FRYL: variants seen among roughly 807,000 people sequenced by gnomAD.
FRYL encodes protein furry homolog-like.
A neutral mutation model predicts 351.2 loss-of-function variants in FRYL; 150 were observed. That is an observed-to-expected ratio of 0.43 (90% CI 0.37 to 0.49). FRYL has a LOEUF of 0.49. FRYL is among the 20% of genes least tolerant of loss of function. The probability of loss-of-function intolerance (pLI) is 0.00; values close to 1 mark genes in which losing one functional copy is unlikely to be tolerated. For synonymous variants in FRYL, 1,153 were observed against 1,257.1 expected, an observed-to-expected ratio of 0.92 and a Z score of 1.75; for missense variants, 3,036 against 3,619.3, an observed-to-expected ratio of 0.84 and a Z score of 4.13.
chr4:48,752,329 C>A (rs1359000305), intron 1 of FRYL, among the ~76,000 whole-genome samples: 1 of 152,100 alleles, frequency 6.6e-6, no homozygotes, highest in African/African-American at 2.4e-5. Flanking sequence ...CCAATTTCTG[C>A]CCAATGAGAA....
At chr4:48,626,226 T>G (rs1751774096) in intron 4 of FRYL, among the ~76,000 whole-genome samples, 1 of 152,060 alleles carries the variant, frequency 6.6e-6, no homozygotes, top group South Asian at 2.1e-4. Flanking sequence ...TCAAATCTGT[T>G]TGTCAATAAA....
intron 1 of FRYL, among the ~76,000 whole-genome samples, chr4:48,741,298 C>T (rs919506187): frequency 3.9e-5 from 6 of 152,230 alleles, no homozygotes; most frequent in African/African-American, 1.4e-4. Context: ...AATCTCACCA[C>T]TTTGGGAGGC....
At position 48,645,628 on chromosome 4, in the gene FRYL, T is replaced by G. The variant is rs114242387; in HGVS notation, c.-80-11138A>C. ...TCTCTGGCCATACCTTAAGTCAGAA[T>G]CAAAATCTTTGGAATGGGGCCCAGG... On this transcript the variant is annotated intron_variant, in intron 3 of 63. Coordinates refer to ENST00000358350, the MANE Select transcript of FRYL (RefSeq NM_015030.2). Among the ~76,000 whole-genome samples, 240 of 152,322 alleles carry G rather than the reference T, an allele frequency of 1.6e-3. 1 individual carries two copies. The highest frequency in any genetic ancestry group is 5.6e-3 in the African/African-American group (232 of 41,578).
At chr4:48,741,132 G>A (rs752748009) in intron 1 of FRYL, among the ~76,000 whole-genome samples, 7 of 152,194 alleles carry the variant, frequency 4.6e-5, no homozygotes, top group Non-Finnish European at 1.0e-4. Flanking sequence ...TGGAGGCCGG[G>A]TGTGGTGGCT....
At position 48,531,264 on chromosome 4, in the gene FRYL, G is replaced by A; in HGVS notation, c.6795C>T (p.Thr2265=). The A allele has an allele frequency of 6.2e-7, 1 of 1,612,640 alleles. No homozygotes were observed. Among genetic ancestry groups the A allele is most frequent in the Non-Finnish European group, 8.5e-7 (1 of 1,178,774 alleles). The change falls in exon 50 of 64, where the codon ACC becomes ACT. Residue 2265 remains threonine (T), a synonymous_variant. Coordinates refer to ENST00000358350, the MANE Select transcript of FRYL (RefSeq NM_015030.2). Reference sequence around the variant, plus strand: ...CAGGAGAACCTGTATCTCCTCCATAGGTCTTGGGGATATCACTGGGTACGA... The same window carrying A: ...CAGGAGAACCTGTATCTCCTCCATAAGTCTTGGGGATATCACTGGGTACGA... ...SLVVPSDIPK[T]YGGDTGSPEI...
At chr4:48,608,178 T>C (rs1747273059) in intron 9 of FRYL, among the ~76,000 whole-genome samples, 1 of 152,174 alleles carries the variant, frequency 6.6e-6, no homozygotes, top group Non-Finnish European at 1.5e-5. Flanking sequence ...GGGTTCCTAG[T>C]ATATTAAAAA....
intron 1 of FRYL, among the ~76,000 whole-genome samples, chr4:48,779,491 C>T (rs1029798979): frequency 5.3e-5 from 8 of 152,116 alleles, no homozygotes; most frequent in African/African-American, 1.9e-4. Context: ...GCGGACAATG[C>T]CCGGCTGGGC....
intron 23 of FRYL, among the ~76,000 whole-genome samples, chr4:48,578,596 A>G (rs1335350348): frequency 1.3e-5 from 2 of 152,214 alleles, no homozygotes; most frequent in African/African-American, 2.4e-5. Flanking sequence ...CGGGAAAAGT[A>G]AGGCCACTGA....
chr4:48,723,489 C>T (rs1769718676), intron 1 of FRYL, among the ~76,000 whole-genome samples: 1 of 152,140 alleles, frequency 6.6e-6, no homozygotes, highest in South Asian at 2.1e-4. Flanking sequence ...AGTCTTGCTC[C>T]TTACTAAACT....
chr4:48,756,665 T>C (rs977440554), intron 1 of FRYL, among the ~76,000 whole-genome samples: 13 of 152,156 alleles, frequency 8.5e-5, no homozygotes, highest in East Asian at 3.8e-4. Flanking sequence ...AGAATTAAAA[T>C]TGACAGGAGA....
At chr4:48,620,842 C>T in intron 5 of FRYL, 64 bp from the exon 6 acceptor site, 3 of 1,361,962 alleles carry the variant, frequency 2.2e-6, no homozygotes, top group African/African-American at 2.9e-5. Flanking sequence ...CTCTTAAGTT[C>T]TATTAGCTAT....
At chr4:48,661,203 T>C (rs1382702425) in intron 3 of FRYL, among the ~76,000 whole-genome samples, 8 of 152,098 alleles carry the variant, frequency 5.3e-5, no homozygotes, top group Non-Finnish European at 1.2e-4. Flanking sequence ...AAAAGTTTGT[T>C]AAAAAAAATT....
chr4:48,750,165 A>T (rs1447174223), intron 1 of FRYL, among the ~76,000 whole-genome samples: 4 of 150,208 alleles, frequency 2.7e-5, no homozygotes, highest in Non-Finnish European at 5.9e-5. Flanking sequence ...AAAGAAAAAG[A>T]AAAAAAAGGA....
At chr4:48,628,017 C>A (rs1474402428) in intron 4 of FRYL, among the ~76,000 whole-genome samples, 8 of 152,162 alleles carry the variant, frequency 5.3e-5, no homozygotes, top group Non-Finnish European at 8.8e-5. Context: ...GTGATCCATG[C>A]GCCTCAGCCT....
chr4:48,773,220 T>A (rs1248013118), intron 1 of FRYL, among the ~76,000 whole-genome samples: 2 of 152,190 alleles, frequency 1.3e-5, no homozygotes, highest in Non-Finnish European at 2.9e-5. Flanking sequence ...ATTATTATTA[T>A]AAGACGCAAG....
chr4:48,767,826 T>C (rs1442119881), intron 1 of FRYL, among the ~76,000 whole-genome samples: 3 of 152,216 alleles, frequency 2.0e-5, no homozygotes, highest in Non-Finnish European at 4.4e-5. Context: ...AACTTCCTAA[T>C]CCTGGATTGC....
At chr4:48,731,192 C>A (rs1418857333) in intron 1 of FRYL, among the ~76,000 whole-genome samples, 1 of 152,070 alleles carries the variant, frequency 6.6e-6, no homozygotes, top group Admixed American at 6.5e-5. Flanking sequence ...ACATATGCAC[C>A]CAATACAGCA....
chr4:48,674,839 T>C (rs564129433), intron 3 of FRYL, among the ~76,000 whole-genome samples: 275 of 151,388 alleles, frequency 1.8e-3, no homozygotes, highest in Non-Finnish European at 3.2e-3. Flanking sequence ...CAAAACTCCA[T>C]TGAAGTAGAA....
At chr4:48,669,377 G>A (rs2149496770) in intron 3 of FRYL, among the ~76,000 whole-genome samples, 1 of 152,228 alleles carries the variant, frequency 6.6e-6, no homozygotes, top group Admixed American at 6.5e-5. Flanking sequence ...GTCCTGGGAT[G>A]AGGGCAGGGG....
Sources: allele counts gnomAD v4.1 joint callset (sites outside exome capture counted in the v4.1 genomes callset), GRCh38; gene constraint gnomAD v4.1.1; transcripts MANE v1.5; gene names NCBI Gene and HGNC (gene_info 2026-07-23, HGNC 2026-07-21).